The following NAPB variants were observed in gnomAD, a reference collection of about 807,000 sequenced individuals.
NAPB encodes the protein beta-soluble NSF attachment protein.
In NAPB, 26 loss-of-function variants were observed where a neutral mutation model predicts 44.7. That is an observed-to-expected ratio of 0.58 (90% CI 0.43 to 0.81). The LOEUF is 0.81. Among genes scored for constraint, NAPB ranks in the 30% least tolerant of loss-of-function variants. The pLI, the probability that NAPB is intolerant of heterozygous loss-of-function variation, is 0.00. For missense variants in NAPB, 315 were observed against 356.4 expected (o/e 0.88, Z 0.94); for synonymous variants, 120 against 116.8 (o/e 1.03, Z -0.18).
rs1325138900 is a variant in NAPB, at chr20:23,398,853, A to ATT, written c.179-1666_179-1665insAA. Among the ~76,000 whole-genome samples the ATT allele has an allele frequency of 3.9e-3, 527 of 134,988 alleles. 5 individuals carry two copies. Among genetic ancestry groups the ATT allele is most frequent in the African/African-American group, 0.015 (484 of 32,068 alleles). The allele number at this position is 134,988 out of a possible 152,430, so 88.6% of individuals were successfully genotyped here. A position where few individuals can be genotyped will look rare whatever the true frequency, so the allele number is the denominator to read the frequency against. ...AGCAAGACTCTTGTCTCAAAAAAAAAATTTTTTTTTTTTTTTTTTTTTTTT... is the reference window on the plus strand; with the variant it reads ...AGCAAGACTCTTGTCTCAAAAAAAAATTATTTTTTTTTTTTTTTTTTTTTTTT... On this transcript the variant is annotated intron_variant, in intron 2 of 10. Coordinates refer to ENST00000377026, the MANE Select transcript of NAPB (RefSeq NM_022080.3).
intron 1 of NAPB, among the ~76,000 whole-genome samples, chr20:23,406,295 G>T (rs1275191334): frequency 6.6e-6 from 1 of 152,190 alleles, no homozygotes; most frequent in East Asian, 1.9e-4. Context: ...GGGAAAAGCA[G>T]GGAGGTGAGG....
intron 1 of NAPB, 36 bp downstream of exon 1, chr20:23,421,267 ACC>A (rs200080949): frequency 0.33 from 451,882 of 1,387,538 alleles, 29,592 homozygotes; most frequent in South Asian, 0.4. Flanking sequence ...AAGTACGGAG[ACC>A]CCCCCCCCCC....
chr20:23,392,886 G>A (rs1041381306), intron 5 of NAPB, among the ~76,000 whole-genome samples: 6 of 151,992 alleles, frequency 3.9e-5, no homozygotes, highest in African/African-American at 1.4e-4. Context: ...CAAGTTTATG[G>A]AGACCCATGT....
chr20:23,410,326 A>G (rs1203216369), intron 1 of NAPB, among the ~76,000 whole-genome samples: 1 of 152,196 alleles, frequency 6.6e-6, no homozygotes, highest in Non-Finnish European at 1.5e-5. Flanking sequence ...ACAGAAACAC[A>G]TGCTATTGTG....
chr20:23,381,116 G>A (rs1369383030), intron 8 of NAPB, 97 bp downstream of exon 8: 3 of 830,760 alleles, frequency 3.6e-6, no homozygotes, highest in Non-Finnish European at 6.2e-6. Flanking sequence ...TTTATTCTTG[G>A]TACTAACATC....
intron 1 of NAPB, among the ~76,000 whole-genome samples, chr20:23,415,118 A>C (rs1985913539): frequency 6.6e-6 from 1 of 152,164 alleles, no homozygotes; most frequent in Non-Finnish European, 1.5e-5. Context: ...TAAATTTTTC[A>C]TCATTTTTAG....
intron 1 of NAPB, among the ~76,000 whole-genome samples, chr20:23,408,139 C>T (rs1985381776): frequency 6.6e-6 from 1 of 152,138 alleles, no homozygotes. Flanking sequence ...GAACCAGAGG[C>T]AAAATTCAGC....
At chr20:23,395,288 T>C in intron 3 of NAPB, 103 bp from the exon 4 acceptor site, 1 of 1,245,224 alleles carries the variant, frequency 8.0e-7, no homozygotes, top group Non-Finnish European at 1.1e-6. Context: ...TAATGAGGTA[T>C]AATTTTGGAG....
At chr20:23,377,633 T>C (rs1982623999) in intron 10 of NAPB, 147 bp from the exon 11 acceptor site, 2 of 422,058 alleles carry the variant, frequency 4.7e-6, no homozygotes, top group Non-Finnish European at 8.1e-6. Context: ...GTTTATAACT[T>C]TCTTCATTAA....
chr20:23,409,751 T>C (rs1985521040), intron 1 of NAPB, among the ~76,000 whole-genome samples: 1 of 152,166 alleles, frequency 6.6e-6, no homozygotes. Flanking sequence ...ACAAAAAGCA[T>C]ACACAACCAC....
intron 7 of NAPB, among the ~76,000 whole-genome samples, chr20:23,387,422 C>T (rs1282644336): frequency 6.6e-6 from 1 of 152,036 alleles, no homozygotes; most frequent in Non-Finnish European, 1.5e-5. Flanking sequence ...AAAACACATT[C>T]ATATTGCAGA....
At chr20:23,405,013 C>T (rs1985132504) in intron 1 of NAPB, among the ~76,000 whole-genome samples, 1 of 152,192 alleles carries the variant, frequency 6.6e-6, no homozygotes, top group African/African-American at 2.4e-5. Flanking sequence ...GAAATTAAAA[C>T]ACATCCCGGC....
chr20:23,418,781 C>CAAAAA (rs921452946), intron 1 of NAPB, among the ~76,000 whole-genome samples: 81 of 120,502 alleles, frequency 6.7e-4, no homozygotes, highest in Non-Finnish European at 1.4e-3. Context: ...ACTAAAAATA[C>CAAAAA]AAAAAAAAAA....
chr20:23,381,355 C>T, intron 7 of NAPB, 38 bp from the exon 8 acceptor site: 2 of 1,347,352 alleles, frequency 1.5e-6, no homozygotes, highest in Non-Finnish European at 2.0e-6. Flanking sequence ...AAAAGATTTA[C>T]CCTCTTATAT....
At chr20:23,379,288 T>G in intron 10 of NAPB, 157 bp downstream of exon 10, 1 of 548,724 alleles carries the variant, frequency 1.8e-6, no homozygotes, top group Non-Finnish European at 3.2e-6. Context: ...CTGTTTAATT[T>G]GTGTGATATA....
At chr20:23,384,555 G>T (rs1366157586) in intron 7 of NAPB, among the ~76,000 whole-genome samples, 1 of 151,964 alleles carries the variant, frequency 6.6e-6, no homozygotes, top group African/African-American at 2.4e-5. Context: ...TTGGGAGGTG[G>T]AGGCTGCAGT....
intron 1 of NAPB, among the ~76,000 whole-genome samples, chr20:23,418,967 G>A (rs963259260): frequency 6.6e-6 from 1 of 152,022 alleles, no homozygotes; most frequent in Non-Finnish European, 1.5e-5. Flanking sequence ...AATCAATGAT[G>A]CAGTCTACGG....
rs774590920 is a variant in NAPB, at chr20:23,379,873, T to C, written c.729A>G (p.Leu243=). Residue 243 remains leucine (L), a synonymous_variant, in exon 9 of 11, where the codon TTA becomes TTG. Coordinates refer to ENST00000377026, the MANE Select transcript of NAPB (RefSeq NM_022080.3). ...PAFTDSRECK[L]LKKLLEAHEE... ...AAGTTCTAATATTACTTACTTTCAA[T>C]AATTTACATTCTCTTGAATCAGTAA... is the stretch of plus-strand genomic sequence containing the variant. The C allele has an allele frequency of 1.9e-6, 3 of 1,608,728 alleles. No individual in the cohort carries two copies. The highest frequency in any genetic ancestry group is 2.6e-6 in the Non-Finnish European group (3 of 1,175,562).
At chr20:23,379,399 A>T in intron 10 of NAPB, 46 bp downstream of exon 10, 1 of 1,445,992 alleles carries the variant, frequency 6.9e-7, no homozygotes, top group Non-Finnish European at 9.5e-7. Flanking sequence ...AGTTTCTTTA[A>T]CTTAAATCTT....
Sources: allele counts gnomAD v4.1 joint callset (sites outside exome capture counted in the v4.1 genomes callset), GRCh38; gene constraint gnomAD v4.1.1; transcripts MANE v1.5; gene names NCBI Gene and HGNC (gene_info 2026-07-23, HGNC 2026-07-21).